The following ASCC1 variants were observed in gnomAD, a reference collection of about 807,000 sequenced individuals.
ASCC1 encodes the protein ASC-1 complex subunit P50.
In ASCC1, 35 loss-of-function variants were observed where a neutral mutation model predicts 46.6. The observed-to-expected ratio is 0.75, with a 90% confidence interval of 0.57 to 0.99. The LOEUF (loss-of-function observed/expected upper bound fraction) is 0.99, where lower values mean the gene tolerates loss of function less well. ASCC1 is among the 50% of genes least tolerant of loss of function. The pLI is 0.00. For synonymous variants in ASCC1, 143 were observed against 146.6 expected (o/e 0.98, Z 0.18); for missense variants, 376 against 428.7 (o/e 0.88, Z 1.09).
chr10:72,173,770 C>T (rs1445948282), intron 5 of ASCC1, among the ~76,000 whole-genome samples: 1 of 152,198 alleles, frequency 6.6e-6, no homozygotes, highest in Non-Finnish European at 1.5e-5. Flanking sequence ...CATATTCCTG[C>T]CCCAAGCCCA....
rs1273336167 is a variant in ASCC1 at position 72,203,426 on chromosome 10, C to T, written c.310+1G>A. On this transcript the variant is annotated splice_donor_variant, in intron 4 of 9. Coordinates refer to ENST00000672957, the MANE Select transcript of ASCC1 (RefSeq NM_001198800.3). LOFTEE classifies it high-confidence loss of function. ...TGTAACTTATATCTACTGAGTCTCA[C>T]CAATTTCCCCGTCTTGTCCAGGTTT... 8 of 1,610,036 alleles carry T rather than the reference C, an allele frequency of 5.0e-6. No homozygotes were observed. The highest frequency in any genetic ancestry group is 3.3e-5 in the Admixed American group (2 of 60,004).
chr10:72,146,133 T>C (rs954499372), intron 7 of ASCC1, among the ~76,000 whole-genome samples: 1 of 152,224 alleles, frequency 6.6e-6, no homozygotes, highest in African/African-American at 2.4e-5. Flanking sequence ...TTTAGGAGAT[T>C]TGCCCATCCG....
chr10:72,153,612 G>C (rs1848619487), intron 6 of ASCC1, among the ~76,000 whole-genome samples: 1 of 151,954 alleles, frequency 6.6e-6, no homozygotes, highest in African/African-American at 2.4e-5. Context: ...ATTTTTAGTA[G>C]AGATGGGGTT....
intron 5 of ASCC1, among the ~76,000 whole-genome samples, chr10:72,186,582 C>G (rs1853482686): frequency 6.6e-6 from 1 of 152,140 alleles, no homozygotes; most frequent in African/African-American, 2.4e-5. Flanking sequence ...CAGAGTACTA[C>G]TGGAAAGTGC....
chr10:72,193,548 G>A (rs963022455), intron 5 of ASCC1, among the ~76,000 whole-genome samples: 2 of 152,008 alleles, frequency 1.3e-5, no homozygotes, highest in Non-Finnish European at 2.9e-5. Context: ...GGGTGAGCAA[G>A]AGGTGACTAT....
intron 7 of ASCC1, among the ~76,000 whole-genome samples, chr10:72,139,120 T>C (rs1026281945): frequency 2.0e-5 from 3 of 149,832 alleles, no homozygotes; most frequent in Non-Finnish European, 4.5e-5. Flanking sequence ...TTTTCTTTTT[T>C]TTTTTTTTTT....
Position 72,096,794 on chromosome 10 carries a change from G to A in ASCC1, c.*540C>T. ...GAACCTTGAGGACATTATGCTAAGT[G>A]AAATAAGCCAGTCACAAAAAGACAA... On this transcript the variant is annotated 3_prime_UTR_variant, in exon 10 of 10. Transcript: ENST00000672957. 1 of 454,110 alleles carries A rather than the reference G, an allele frequency of 2.2e-6. No individual in the cohort carries two copies. Among genetic ancestry groups the A allele is most frequent in the Non-Finnish European group, 4.4e-6 (1 of 226,790 alleles). 28.1% of individuals were successfully genotyped at this position (454,110 alleles called of 1,614,324 possible). A position where few individuals can be genotyped will look rare whatever the true frequency, so the allele number is the denominator to read the frequency against.
chr10:72,154,580 C>T (rs1424483031), intron 6 of ASCC1, among the ~76,000 whole-genome samples: 23 of 151,874 alleles, frequency 1.5e-4, no homozygotes, highest in Non-Finnish European at 3.4e-4. Context: ...CAACCTCCAC[C>T]TCCCAGGTTC....
At chr10:72,118,025 G>T (rs148401094) in intron 9 of ASCC1, among the ~76,000 whole-genome samples, 151 of 152,306 alleles carry the variant, frequency 9.9e-4, no homozygotes, top group Non-Finnish European at 1.7e-3. Flanking sequence ...GACTTTCTGA[G>T]AAATTTGAGT....
chr10:72,187,592 C>A (rs1357011612), intron 5 of ASCC1, among the ~76,000 whole-genome samples: 1 of 151,870 alleles, frequency 6.6e-6, no homozygotes, highest in African/African-American at 2.4e-5. Context: ...CAGTGGCGAG[C>A]GCCTGTAGTC....
At chr10:72,199,028 G>C (rs1360276571) in intron 4 of ASCC1, among the ~76,000 whole-genome samples, 2 of 151,964 alleles carry the variant, frequency 1.3e-5, no homozygotes, top group Admixed American at 1.3e-4. Context: ...TGTTGGCCAG[G>C]CTGGTCTCAA....
intron 2 of ASCC1, chr10:72,212,066 C>A (rs899133572): frequency 6.7e-6 from 1 of 150,076 alleles, no homozygotes; most frequent in Admixed American, 6.7e-5. Flanking sequence ...CACCTGTAGT[C>A]CCAGCTACTG....
At chr10:72,161,461 T>A in intron 6 of ASCC1, 77 bp downstream of exon 6, 5 of 1,592,750 alleles carry the variant, frequency 3.1e-6, no homozygotes, top group Non-Finnish European at 4.3e-6. Flanking sequence ...ACCCTCTGGT[T>A]CAAAAACAAG....
chr10:72,199,323 A>T (rs566874380), intron 4 of ASCC1, among the ~76,000 whole-genome samples: 34 of 127,710 alleles, frequency 2.7e-4, no homozygotes, highest in African/African-American at 1.0e-3. Flanking sequence ...TTTGAGACAG[A>T]GTCTCACTCT....
intron 3 of ASCC1, chr10:72,204,415 T>C: frequency 6.4e-7 from 1 of 1,550,434 alleles, no homozygotes; most frequent in Non-Finnish European, 8.7e-7. Context: ...TCATTTACAT[T>C]ACTTGCCTGG....
At chr10:72,205,195 G>T (rs1857026351) in intron 3 of ASCC1, among the ~76,000 whole-genome samples, 1 of 152,156 alleles carries the variant, frequency 6.6e-6, no homozygotes, top group Non-Finnish European at 1.5e-5. Context: ...AATAGGCCAG[G>T]TGCAGTGGCT....
intron 7 of ASCC1, 147 bp downstream of exon 7, chr10:72,152,722 A>T: frequency 2.0e-6 from 2 of 1,003,454 alleles, no homozygotes; most frequent in Non-Finnish European, 2.9e-6. Context: ...TCAAGAGATT[A>T]ACTTACTATT....
At chr10:72,173,030 T>C (rs905149782) in intron 5 of ASCC1, among the ~76,000 whole-genome samples, 2 of 142,314 alleles carry the variant, frequency 1.4e-5, no homozygotes, top group East Asian at 2.0e-4. Flanking sequence ...ATATAAAATA[T>C]AGTGACTAGA....
chr10:72,115,783 G>A (rs538349465), intron 9 of ASCC1, among the ~76,000 whole-genome samples: 1 of 152,198 alleles, frequency 6.6e-6, no homozygotes, highest in African/African-American at 2.4e-5. Context: ...GACGGTGGCA[G>A]GAAGAATGGC....
Sources: allele counts gnomAD v4.1 joint callset (sites outside exome capture counted in the v4.1 genomes callset), GRCh38; gene constraint gnomAD v4.1.1; transcripts MANE v1.5; gene names NCBI Gene and HGNC (gene_info 2026-07-23, HGNC 2026-07-21).